FHIP2A: variants seen among roughly 807,000 people sequenced by gnomAD.
FHIP2A encodes FHF complex subunit HOOK interacting protein 2A.
FHIP2A carries 46 observed loss-of-function variants against 93.5 expected under a neutral mutation model. That is an observed-to-expected ratio of 0.49 (90% CI 0.39 to 0.63). The LOEUF (loss-of-function observed/expected upper bound fraction) is 0.63. Ranked by LOEUF, FHIP2A falls within the 20% of genes least tolerant of loss-of-function variation. The probability of loss-of-function intolerance (pLI) is 0.00; values close to 1 mark genes in which losing one functional copy is unlikely to be tolerated. For missense variants in FHIP2A, 769 were observed against 909.7 expected (o/e 0.85, Z 1.99); for synonymous variants, 332 against 326.5 (o/e 1.02, Z -0.18).
At chr10:114,892,911 C>T (rs1339674495) in intron 16 of FHIP2A, among the ~76,000 whole-genome samples, 1 of 151,992 alleles carries the variant, frequency 6.6e-6, no homozygotes, top group Non-Finnish European at 1.5e-5. Context: ...TTTTGTAGCT[C>T]TATAGAGGAA....
chr10:114,869,904 G>A (rs2083848818), intron 16 of FHIP2A, among the ~76,000 whole-genome samples: 1 of 152,126 alleles, frequency 6.6e-6, no homozygotes, highest in South Asian at 2.1e-4. Flanking sequence ...ATTGAGCTGA[G>A]TATTTCAAAG....
chr10:114,876,424 C>A (rs1373268793), intron 16 of FHIP2A, among the ~76,000 whole-genome samples: 1 of 152,136 alleles, frequency 6.6e-6, no homozygotes, highest in Non-Finnish European at 1.5e-5. Context: ...GCTTTAGGCA[C>A]CCCACATCAC....
intron 1 of FHIP2A, among the ~76,000 whole-genome samples, chr10:114,828,756 T>TA (rs749479241): frequency 6.6e-6 from 1 of 152,120 alleles, no homozygotes; most frequent in African/African-American, 2.4e-5. Context: ...TCCTTGAAGT[T>TA]AAAGTACTCC....
chr10:114,875,384 A>G (rs2083879701), intron 16 of FHIP2A, among the ~76,000 whole-genome samples: 1 of 152,208 alleles, frequency 6.6e-6, no homozygotes, highest in Non-Finnish European at 1.5e-5. Flanking sequence ...AGAAGCAAGG[A>G]TGGTGGAGAA....
At chr10:114,871,101 AATAT>A (rs536445605) in intron 16 of FHIP2A, among the ~76,000 whole-genome samples, 1 of 147,876 alleles carries the variant, frequency 6.8e-6, no homozygotes, top group Admixed American at 6.8e-5. Context: ...TTAAATATGT[AATAT>A]ATATACTGTT....
At chr10:114,835,026 T>C (rs1035620336) in intron 3 of FHIP2A, among the ~76,000 whole-genome samples, 1 of 152,236 alleles carries the variant, frequency 6.6e-6, no homozygotes, top group Non-Finnish European at 1.5e-5. Context: ...TTTAAAATGA[T>C]GTTAGGATAA....
At chr10:114,888,892 C>CG (rs2083956401) in intron 16 of FHIP2A, among the ~76,000 whole-genome samples, 1 of 152,170 alleles carries the variant, frequency 6.6e-6, no homozygotes. Flanking sequence ...TGTGAGCCAC[C>CG]GCGCCCTGCC....
intron 1 of FHIP2A, among the ~76,000 whole-genome samples, chr10:114,829,940 G>A (rs896315729): frequency 6.6e-6 from 1 of 152,146 alleles, no homozygotes; most frequent in Non-Finnish European, 1.5e-5. Context: ...AAAATGTTGA[G>A]CATTTTTGAC....
At chr10:114,895,121 G>A (rs1243986837) in intron 16 of FHIP2A, among the ~76,000 whole-genome samples, 1 of 152,018 alleles carries the variant, frequency 6.6e-6, no homozygotes, top group Non-Finnish European at 1.5e-5. Flanking sequence ...GTTTGTCTTG[G>A]GTTTGTTAGA....
chr10:114,822,923 A>G (rs1488569716), intron 1 of FHIP2A, among the ~76,000 whole-genome samples: 1 of 152,242 alleles, frequency 6.6e-6, no homozygotes, highest in Non-Finnish European at 1.5e-5. Context: ...CAAGTATCCT[A>G]GTAGACTAAT....
chr10:114,864,375 A>G lies in FHIP2A; in HGVS notation c.*2835A>G, dbSNP rs1480580668. The stretch of plus-strand genomic sequence containing the variant: ...TTTTGGGTTATGTAGTAAATCAAAT[A>G]TGCATGTCATTGTGACACTTTATGT... On this transcript the variant is annotated 3_prime_UTR_variant, in exon 17 of 17. Coordinates refer to ENST00000369248, the MANE Select transcript of FHIP2A (RefSeq NM_020940.4). The G allele has an allele frequency of 2.0e-6, 2 of 985,662 alleles. No homozygotes were observed. Among genetic ancestry groups the G allele is most frequent in the Non-Finnish European group, 2.4e-6 (2 of 829,722 alleles). The allele number at this position is 985,662 out of a possible 1,614,324, so 61.1% of individuals were successfully genotyped here.
At position 114,864,157 on chromosome 10, in the gene FHIP2A, A is replaced by T. The variant is rs530150655; in HGVS notation, c.*2617A>T. On this transcript the variant is annotated 3_prime_UTR_variant, in exon 17 of 17. Coordinates refer to ENST00000369248, the MANE Select transcript of FHIP2A (RefSeq NM_020940.4). ...AAGGACCAAAATTCTTAGCTCGCTT[A>T]CACTGTTGCTAGTGTAAACATTGTT... 15 of 982,208 alleles carry T rather than the reference A, an allele frequency of 1.5e-5. No homozygotes were observed. Among genetic ancestry groups the T allele is most frequent in the Non-Finnish European group, 1.8e-5 (15 of 826,644 alleles). 60.8% of individuals were successfully genotyped at this position (982,208 alleles called of 1,614,324 possible). A position where few individuals can be genotyped will look rare whatever the true frequency, so the allele number is the denominator to read the frequency against.
At chr10:114,895,982 G>C (rs2083999497) in intron 16 of FHIP2A, among the ~76,000 whole-genome samples, 1 of 152,124 alleles carries the variant, frequency 6.6e-6, no homozygotes, top group Admixed American at 6.5e-5. Context: ...CCTGCTTTGT[G>C]AAACTGCGGC....
chr10:114,875,575 A>G (rs2083880818), intron 16 of FHIP2A, among the ~76,000 whole-genome samples: 1 of 152,120 alleles, frequency 6.6e-6, no homozygotes, highest in Admixed American at 6.5e-5. Context: ...GGGTGCCTGT[A>G]TTCCCAGCTA....
At chr10:114,891,200 C>A (rs2083971187) in intron 16 of FHIP2A, among the ~76,000 whole-genome samples, 1 of 139,824 alleles carries the variant, frequency 7.2e-6, no homozygotes, top group Non-Finnish European at 1.5e-5. Context: ...TCTAAACAAC[C>A]ATAACAACAA....
chr10:114,831,220 T>C (rs1176362207), intron 2 of FHIP2A, among the ~76,000 whole-genome samples: 2 of 152,144 alleles, frequency 1.3e-5, no homozygotes, highest in African/African-American at 2.4e-5. Flanking sequence ...GCAGACAGTA[T>C]ATAGACAAAT....
intron 16 of FHIP2A, among the ~76,000 whole-genome samples, chr10:114,880,364 A>T (rs1445729023): frequency 2.6e-5 from 4 of 152,226 alleles, no homozygotes; most frequent in Non-Finnish European, 5.9e-5. Context: ...TAGTATGTGA[A>T]TTACATCTTA....
rs7099766 is a variant in FHIP2A at position 114,895,216 on chromosome 10, A to C, written c.2193-4274A>C. On this transcript the variant is annotated intron_variant, in intron 16 of 16. Transcript: ENST00000369250. ...GCATCACTGATAGTTTGACTTAATG[A>C]GGTTCTTAGATTTAATAAAATAGAA... Among the ~76,000 whole-genome samples the C allele has an allele frequency of 9.4e-3, 1,427 of 152,304 alleles. 21 individuals are homozygous for C. Among genetic ancestry groups the C allele is most frequent in the African/African-American group, 0.033 (1,385 of 41,550 alleles).
chr10:114,854,798 A>G (rs1181131717), intron 13 of FHIP2A, among the ~76,000 whole-genome samples: 1 of 152,216 alleles, frequency 6.6e-6, no homozygotes, highest in Non-Finnish European at 1.5e-5. Context: ...CTTCTCAAAT[A>G]ACATGTATCA....
Sources: gnomAD v4.1 joint callset for allele counts (sites outside exome capture counted in the v4.1 genomes callset) on GRCh38, gnomAD v4.1.1 for gene constraint, MANE v1.5 for transcripts, NCBI Gene and HGNC (gene_info 2026-07-23, HGNC 2026-07-21) for gene names.